The following WRNIP1 variants were observed in gnomAD, a reference collection of about 807,000 sequenced individuals.
The protein encoded by WRNIP1 is ATPase WRNIP1.
In WRNIP1, 41 loss-of-function variants were observed where a neutral mutation model predicts 56.1. That is an observed-to-expected ratio of 0.73 (90% confidence interval 0.57 to 0.95). The LOEUF (loss-of-function observed/expected upper bound fraction) is 0.95, where lower values mean the gene tolerates loss of function less well. Ranked by LOEUF, WRNIP1 falls within the 40% of genes least tolerant of loss-of-function variation. The pLI is 0.00. For missense variants in WRNIP1, 1,170 were observed against 939.4 expected (o/e 1.25, Z -3.21); for synonymous variants, 547 against 398.1 (o/e 1.37, Z -4.45).
At chr6:2,773,451 A>C in intron 3 of WRNIP1, 2 of 985,418 alleles carry the variant, frequency 2.0e-6, no homozygotes, top group Non-Finnish European at 2.4e-6. Flanking sequence ...AAGGATAAGC[A>C]GAATTTAACT....
intron 5 of WRNIP1, 135 bp from the exon 6 acceptor site, chr6:2,784,189 T>G (rs1765652029): frequency 5.9e-6 from 4 of 677,758 alleles, no homozygotes; most frequent in Non-Finnish European, 1.0e-5. Flanking sequence ...TAGAGCTAAG[T>G]CAGGCTGTTT....
Position 2,765,910 on chromosome 6 carries a change from T to C in WRNIP1, c.288T>C (p.Gly96=), listed in dbSNP as rs17851692. ...CAGCCGAGAGCAGCGAGGGCGAGGG[T>C]GAGGAGGGCGACGACGGCGGCGAGA... is the stretch of plus-strand genomic sequence containing the variant. ...PTAAESSEGE[G]EEGDDGGETE... is the part of the protein sequence containing the mutation. The change falls in exon 1 of 7, where the codon GGT becomes GGC. Residue 96 remains glycine, a synonymous_variant. Coordinates refer to ENST00000380773, the MANE Select transcript of WRNIP1 (RefSeq NM_020135.3). 0.32 allele frequency: 465,011 copies of C among 1,447,972 alleles called. 75,789 individuals carry two copies. The highest frequency in any genetic ancestry group is 0.42 in the South Asian group (31,625 of 75,112). 89.7% of individuals were successfully genotyped at this position (1,447,972 alleles called of 1,614,324 possible). A position where few individuals can be genotyped will look rare whatever the true frequency, so the allele number is the denominator to read the frequency against.
intron 3 of WRNIP1, 63 bp from the exon 4 acceptor site, chr6:2,779,200 C>A: frequency 1.3e-6 from 2 of 1,530,776 alleles, no homozygotes; most frequent in South Asian, 1.1e-5. Flanking sequence ...GTTTCTAAGA[C>A]ATGTGCAGAA....
At chr6:2,772,991 G>A in intron 3 of WRNIP1, 1 of 985,372 alleles carries the variant, frequency 1.0e-6, no homozygotes, top group Non-Finnish European at 1.2e-6. Flanking sequence ...GCCCTAGATA[G>A]CAACTAGAAC....
intron 3 of WRNIP1, among the ~76,000 whole-genome samples, chr6:2,777,655 C>T (rs1765463905): frequency 6.6e-6 from 1 of 152,236 alleles, no homozygotes; most frequent in Non-Finnish European, 1.5e-5. Flanking sequence ...GATGCTGGTC[C>T]TTCCCCATAC....
Position 2,768,800 on chromosome 6 carries a change from A to G in WRNIP1, c.932A>G (p.Gln311Arg), listed in dbSNP as rs1765147145. 2 of 1,614,072 alleles carry G rather than the reference A, an allele frequency of 1.2e-6. No homozygotes were observed. Among genetic ancestry groups the G allele is most frequent in the Non-Finnish European group, 1.7e-6 (2 of 1,179,940 alleles). Residue 311 changes from glutamine (Q) to arginine (R), a missense_variant, in exon 2 of 7, where the codon CAA (glutamine) becomes CGA (arginine). Coordinates refer to ENST00000380773, the MANE Select transcript of WRNIP1 (RefSeq NM_020135.3). ...AATGATGTGCGAGATGTCATAAAAC[A>G]AGCTCAAAATGAAAAGAGCTTTTTC... ...KTNDVRDVIK[Q>R]AQNEKSFFKR...
intron 3 of WRNIP1, chr6:2,773,492 A>C (rs1032246926): frequency 3.0e-6 from 3 of 985,422 alleles, no homozygotes; most frequent in Non-Finnish European, 3.6e-6. Flanking sequence ...TGTCTACGCC[A>C]TAGTTGCTTT....
At chr6:2,776,101 G>C (rs1315889308) in intron 3 of WRNIP1, among the ~76,000 whole-genome samples, 1 of 152,162 alleles carries the variant, frequency 6.6e-6, no homozygotes, top group African/African-American at 2.4e-5. Flanking sequence ...GTTTGCTGAG[G>C]GATTTTGCCA....
At chr6:2,778,036 G>A (rs908413949) in intron 3 of WRNIP1, among the ~76,000 whole-genome samples, 1 of 152,160 alleles carries the variant, frequency 6.6e-6, no homozygotes, top group African/African-American at 2.4e-5. Context: ...TTAAGGCATT[G>A]GGAACAAATC....
chr6:2,767,934 A>AC (rs1765097509), intron 1 of WRNIP1, among the ~76,000 whole-genome samples: 1 of 152,238 alleles, frequency 6.6e-6, no homozygotes, highest in Non-Finnish European at 1.5e-5. Context: ...CAACTTTTAG[A>AC]AAAGAAAGTA....
rs750565457 is a variant in WRNIP1, at chr6:2,765,643, AGAC to A, written c.25_27del (p.Asp9del). ...CCGCCATGGAGGTGAGCGGGCCGGA[AGAC>A]GACCCCTTCCTTTCGCAGCTGCACC... On this transcript the variant is annotated inframe_deletion, in exon 1 of 7. Coordinates refer to ENST00000380773, the MANE Select transcript of WRNIP1 (RefSeq NM_020135.3). The A allele has an allele frequency of 6.5e-7, 1 of 1,542,866 alleles. No homozygotes were observed. Among genetic ancestry groups the A allele is most frequent in the Non-Finnish European group, 8.7e-7 (1 of 1,153,116 alleles).
intron 4 of WRNIP1, among the ~76,000 whole-genome samples, chr6:2,780,749 A>G (rs1437733362): frequency 1.3e-5 from 2 of 152,158 alleles, no homozygotes; most frequent in South Asian, 2.1e-4. Context: ...CGGGATCGCC[A>G]TTGTTTCTGA....
At chr6:2,770,437 G>T in intron 3 of WRNIP1, 76 bp downstream of exon 3, 4 of 1,576,680 alleles carry the variant, frequency 2.5e-6, no homozygotes, top group Non-Finnish European at 3.4e-6. Context: ...AGAAAGGGCC[G>T]GGCGTCAGTG....
At chr6:2,772,215 A>G (rs761731224) in intron 3 of WRNIP1, among the ~76,000 whole-genome samples, 1 of 152,244 alleles carries the variant, frequency 6.6e-6, no homozygotes, top group Non-Finnish European at 1.5e-5. Context: ...AGATCAAGTG[A>G]AATAATTAAG....
Position 2,766,167 on chromosome 6 carries a change from G to A in WRNIP1, c.545G>A (p.Gly182Asp). The A allele has an allele frequency of 5.2e-6, 7 of 1,340,134 alleles. No individual in the cohort carries two copies. The highest frequency in any genetic ancestry group is 6.7e-6 in the Non-Finnish European group (7 of 1,051,738). The allele number at this position is 1,340,134 out of a possible 1,614,324, so 83.0% of individuals were successfully genotyped here. A position where few individuals can be genotyped will look rare whatever the true frequency, so the allele number is the denominator to read the frequency against. Residue 182 changes from glycine (G) to aspartate (D), a missense_variant, in exon 1 of 7, where the codon GGC (glycine) becomes GAC (aspartate). By Grantham distance (94) the Gly-to-Asp change is moderately conservative. Transcript: ENST00000380773. ...GDGDGDADADGEDDPGHWDAD... is the reference protein window; with the variant it reads ...GDGDGDADADDEDDPGHWDAD... The stretch of plus-strand genomic sequence containing the variant: ...GGCGACGGGGACGCGGACGCGGACG[G>A]CGAGGACGACCCGGGGCACTGGGAC...
At chr6:2,769,234 A>T (rs936928893) in intron 2 of WRNIP1, among the ~76,000 whole-genome samples, 5 of 152,216 alleles carry the variant, frequency 3.3e-5, no homozygotes, top group Non-Finnish European at 5.9e-5. Context: ...ATGGGTTTTT[A>T]AAAATTACTT....
In WRNIP1 at chr6:2,765,613, G is replaced by A. The variant is rs1384856560; in HGVS notation, c.-10G>A. 2.0e-6 allele frequency: 3 copies of A among 1,510,750 alleles called. No individual in the cohort carries two copies. Among genetic ancestry groups the A allele is most frequent in the African/African-American group, 2.9e-5 (2 of 69,102 alleles). The allele number at this position is 1,510,750 out of a possible 1,614,324, so 93.6% of individuals were successfully genotyped here. ...GGCCGCGCCGGGCGCCGGGGAGGGC[G>A]GCGGCCGCCATGGAGGTGAGCGGGC... On this transcript the variant is annotated 5_prime_UTR_variant, in exon 1 of 7. Transcript: ENST00000380773.
intron 4 of WRNIP1, among the ~76,000 whole-genome samples, chr6:2,782,203 C>T (rs767987942): frequency 1.3e-5 from 2 of 152,210 alleles, no homozygotes; most frequent in Non-Finnish European, 2.9e-5. Context: ...GGGAGTGGGC[C>T]AGAACCATGC....
chr6:2,771,753 G>T (rs1035656257), intron 3 of WRNIP1, among the ~76,000 whole-genome samples: 1 of 152,170 alleles, frequency 6.6e-6, no homozygotes, highest in Non-Finnish European at 1.5e-5. Context: ...CACTTCAGAT[G>T]TGGGATACTC....
Sources: allele counts gnomAD v4.1 joint callset (sites outside exome capture counted in the v4.1 genomes callset), GRCh38; gene constraint gnomAD v4.1.1; transcripts MANE v1.5; gene names NCBI Gene and HGNC (gene_info 2026-07-23, HGNC 2026-07-21).